C19orf18: variants seen among roughly 807,000 people sequenced by gnomAD.
C19orf18 encodes uncharacterized protein C19orf18.
A neutral mutation model predicts 23.3 loss-of-function variants in C19orf18; 21 were observed. The ratio of observed to expected loss-of-function variants is 0.90; its 90% CI spans 0.64 to 1.30. C19orf18 has a LOEUF of 1.30. Ranked by LOEUF, C19orf18 falls within the 50% of genes most tolerant of loss-of-function variation. The pLI is 0.00. For missense variants in C19orf18, 249 were observed against 259.6 expected, an observed-to-expected ratio of 0.96 and a Z score of 0.28; for synonymous variants, 96 against 95.2, an observed-to-expected ratio of 1.01 and a Z score of -0.05.
At chr19:57,963,340 AT>A (rs1481641678) in intron 4 of C19orf18, among the ~76,000 whole-genome samples, 1 of 151,834 alleles carries the variant, frequency 6.6e-6, no homozygotes, top group Non-Finnish European at 1.5e-5. Context: ...TTAACTCAGT[AT>A]TTTTAAAAAT....
intron 5 of C19orf18, 79 bp downstream of exon 5, chr19:57,961,312 C>T (rs1600204206): frequency 7.2e-7 from 1 of 1,382,834 alleles, no homozygotes; most frequent in African/African-American, 1.5e-5. Context: ...CAAGCCACCG[C>T]TGAGAAAGAA....
At chr19:57,968,840 C>T (rs1383035863) in intron 3 of C19orf18, among the ~76,000 whole-genome samples, 1 of 152,110 alleles carries the variant, frequency 6.6e-6, no homozygotes, top group Non-Finnish European at 1.5e-5. Context: ...CCTACAAGCA[C>T]ATCTTTGAAA....
chr19:57,959,265 G>A (rs1158963800), intron 5 of C19orf18, among the ~76,000 whole-genome samples: 2 of 152,186 alleles, frequency 1.3e-5, no homozygotes, highest in East Asian at 1.9e-4. Context: ...AAGACGGGAA[G>A]ATCTCTTAAG....
chr19:57,961,852 C>T (rs1405422627), intron 4 of C19orf18, among the ~76,000 whole-genome samples: 1 of 152,104 alleles, frequency 6.6e-6, no homozygotes, highest in East Asian at 1.9e-4. Flanking sequence ...TCAAACAAAT[C>T]ATCTTTCTTT....
chr19:57,959,377 C>T (rs904115514), intron 5 of C19orf18, among the ~76,000 whole-genome samples: 2 of 152,080 alleles, frequency 1.3e-5, no homozygotes, highest in Non-Finnish European at 2.9e-5. Context: ...AATCCCAGGA[C>T]TTTGGGAGGC....
chr19:57,972,606 AACACACAGCTTCCAAATATCTAAGATG>A, intron 2 of C19orf18, 102 bp from the exon 3 acceptor site: 1 of 1,255,584 alleles, frequency 8.0e-7, no homozygotes, highest in Non-Finnish European at 1.1e-6. Flanking sequence ...AAGGACGCCG[AACACACAGCTTCCAAATATCTAAGATG>A]GGATGTGTTA....
At chr19:57,964,758 T>C (rs2072896971) in intron 4 of C19orf18, among the ~76,000 whole-genome samples, 1 of 152,206 alleles carries the variant, frequency 6.6e-6, no homozygotes, top group Admixed American at 6.5e-5. Flanking sequence ...CATGGCAATA[T>C]ATCTTGTTTT....
intron 3 of C19orf18, among the ~76,000 whole-genome samples, chr19:57,968,555 C>T (rs1426156408): frequency 6.6e-6 from 1 of 152,028 alleles, no homozygotes; most frequent in Non-Finnish European, 1.5e-5. Flanking sequence ...AGGAGGCAAA[C>T]AAGGTCATTC....
chr19:57,969,410 C>T (rs1288177630), intron 3 of C19orf18, among the ~76,000 whole-genome samples: 1 of 149,744 alleles, frequency 6.7e-6, no homozygotes, highest in Non-Finnish European at 1.5e-5. Context: ...CAAAAATTAG[C>T]CGGGTGTGGT....
In C19orf18 at chr19:57,961,467, C is replaced by T. The variant is rs202107731; in HGVS notation, c.456G>A (p.Glu152=). 357 of 1,614,162 alleles carry T rather than the reference C, an allele frequency of 2.2e-4. 1 individual carries two copies. The highest frequency in any genetic ancestry group is 2.8e-4 in the Non-Finnish European group (334 of 1,180,022). Residue 152 remains glutamate (E), a synonymous_variant, in exon 5 of 6, where the codon GAG becomes GAA. Transcript: ENST00000314391. ...TGGACTCACCCTCGTCCTCTGAGCC[C>T]TCTTCTTCATCTCCTAATAACGGTA... The part of the protein sequence containing the change: ...LRIPLLGDEE[E]GSEDEGESTH...
At chr19:57,970,559 T>C (rs991343186) in intron 3 of C19orf18, among the ~76,000 whole-genome samples, 7 of 152,112 alleles carry the variant, frequency 4.6e-5, no homozygotes, top group African/African-American at 1.7e-4. Context: ...ATTCTTACTA[T>C]GAGTAAGGTA....
At chr19:57,969,566 G>GAA (rs59100128) in intron 3 of C19orf18, among the ~76,000 whole-genome samples, 1,469 of 46,470 alleles carry the variant, frequency 0.032, 58 homozygotes, top group Admixed American at 0.036. Flanking sequence ...AAAAAAAACA[G>GAA]AAAAAAAAAA....
At chr19:57,972,622 A>C (rs1049735731) in intron 2 of C19orf18, 118 bp from the exon 3 acceptor site, 34 of 1,081,846 alleles carry the variant, frequency 3.1e-5, no homozygotes, top group Non-Finnish European at 4.2e-5. Context: ...CAGCTTCCAA[A>C]TATCTAAGAT....
At chr19:57,968,796 GGCTA>G (rs980940563) in intron 3 of C19orf18, among the ~76,000 whole-genome samples, 38 of 151,870 alleles carry the variant, frequency 2.5e-4, no homozygotes, top group African/African-American at 8.0e-4. Flanking sequence ...CCCTTCCCAG[GGCTA>G]GCTATTTCCT....
At chr19:57,960,672 T>C (rs1285658341) in intron 5 of C19orf18, among the ~76,000 whole-genome samples, 1 of 152,178 alleles carries the variant, frequency 6.6e-6, no homozygotes, top group Non-Finnish European at 1.5e-5. Flanking sequence ...GTAATGAGTA[T>C]GTTTAACGGA....
chr19:57,974,288 C>T, intron 1 of C19orf18, 24 bp downstream of exon 1: 1 of 1,614,084 alleles, frequency 6.2e-7, no homozygotes, highest in Non-Finnish European at 8.5e-7. Flanking sequence ...CCCTGAGTCA[C>T]ATAAAACCAG....
At chr19:57,974,230 A>G in intron 1 of C19orf18, 27 bp from the exon 2 acceptor site, 1 of 1,613,386 alleles carries the variant, frequency 6.2e-7, no homozygotes, top group Non-Finnish European at 8.5e-7. Context: ...TTTGCGGTGA[A>G]ATGTAATTAC....
In C19orf18 at chr19:57,958,449, G is replaced by A. The variant is rs1358735219; in HGVS notation, c.*153C>T. The A allele has an allele frequency of 3.6e-6, 2 of 559,404 alleles. No homozygotes were observed. Among genetic ancestry groups the A allele is most frequent in the African/African-American group, 3.9e-5 (2 of 50,914 alleles). 34.7% of individuals were successfully genotyped at this position (559,404 alleles called of 1,614,324 possible). ...CAATAAGCAAGAGTTGCTATATCAT[G>A]TGGCTTTATTTTCTGGGATACAGGT... On this transcript the variant is annotated 3_prime_UTR_variant, in exon 6 of 6. Coordinates refer to ENST00000314391, the MANE Select transcript of C19orf18 (RefSeq NM_152474.5).
At position 57,964,508 on chromosome 19, in the gene C19orf18, C is replaced by T. The variant is rs183475118; in HGVS notation, c.371+2022G>A. Among the ~76,000 whole-genome samples, 379 of 152,238 alleles carry T rather than the reference C, an allele frequency of 2.5e-3. 7 individuals carry two copies. Among genetic ancestry groups the T allele is most frequent in the Non-Finnish European group, 1.0e-3 (71 of 68,016 alleles). On this transcript the variant is annotated intron_variant, in intron 4 of 5. Coordinates refer to ENST00000314391, the MANE Select transcript of C19orf18 (RefSeq NM_152474.5). ...TGTTGCCCACGCTGGTCTCAAACAC[C>T]TGAGCTTAAGGGATCCACCCGCCTC...
Sources: allele counts gnomAD v4.1 joint callset (sites outside exome capture counted in the v4.1 genomes callset), GRCh38; gene constraint gnomAD v4.1.1; transcripts MANE v1.5; gene names NCBI Gene and HGNC (gene_info 2026-07-23, HGNC 2026-07-21).